The following TTC27 variants were observed in gnomAD, a reference collection of about 807,000 sequenced individuals.
TTC27 encodes tetratricopeptide repeat protein 27.
TTC27 carries 79 observed loss-of-function variants against 115.9 expected under a neutral mutation model. The observed-to-expected ratio is 0.68, with a 90% CI of 0.57 to 0.82. The LOEUF (loss-of-function observed/expected upper bound fraction) is 0.82, where lower values mean the gene tolerates loss of function less well. TTC27 is among the 40% of genes least tolerant of loss of function. The pLI is 0.00. For synonymous variants in TTC27, 401 were observed against 356.0 expected (o/e 1.13, Z -1.42); for missense variants, 1,054 against 993.1 (o/e 1.06, Z -0.82).
intron 16 of TTC27, among the ~76,000 whole-genome samples, chr2:32,788,968 TA>T (rs1427834177): frequency 7.9e-5 from 12 of 152,198 alleles, no homozygotes; most frequent in Non-Finnish European, 1.3e-4. Context: ...GAAACTATCC[TA>T]AGCACTTCAC....
intron 16 of TTC27, among the ~76,000 whole-genome samples, chr2:32,801,988 T>G (rs1333034985): frequency 6.6e-6 from 1 of 152,190 alleles, no homozygotes; most frequent in African/African-American, 2.4e-5. Flanking sequence ...AAGTTTCTGT[T>G]ATTAGTCTTC....
At chr2:32,814,753 T>C in intron 18 of TTC27, among the ~76,000 whole-genome samples, 1 of 152,158 alleles carries the variant, frequency 6.6e-6, no homozygotes, top group Middle Eastern at 3.2e-3. Flanking sequence ...CTGTACAGGG[T>C]TGTAGCCTAG....
chr2:32,674,818 G>A (rs969263350), intron 8 of TTC27, among the ~76,000 whole-genome samples: 16 of 151,868 alleles, frequency 1.1e-4, no homozygotes, highest in African/African-American at 3.6e-4. Flanking sequence ...CACCACCACA[G>A]CTGGCTAATT....
intron 10 of TTC27, among the ~76,000 whole-genome samples, chr2:32,730,748 A>G (rs1228536860): frequency 6.6e-6 from 1 of 150,768 alleles, no homozygotes; most frequent in African/African-American, 2.4e-5. Flanking sequence ...CAGCCTCCCA[A>G]GTAGCTGGGA....
chr2:32,647,435 C>T (rs1356678787), intron 4 of TTC27, among the ~76,000 whole-genome samples: 1 of 152,146 alleles, frequency 6.6e-6, no homozygotes, highest in Non-Finnish European at 1.5e-5. Context: ...CGCAACACCT[C>T]AGGGAATTCA....
At chr2:32,723,472 TC>T (rs1381710356) in intron 10 of TTC27, among the ~76,000 whole-genome samples, 1 of 151,980 alleles carries the variant, frequency 6.6e-6, no homozygotes, top group Non-Finnish European at 1.5e-5. Context: ...TTTTTCTCTC[TC>T]CCCAGGTACA....
intron 3 of TTC27, among the ~76,000 whole-genome samples, chr2:32,635,031 C>T (rs562519992): frequency 3.3e-5 from 5 of 152,208 alleles, no homozygotes; most frequent in African/African-American, 9.6e-5. Context: ...CTTTAAATTA[C>T]AAATACTTTA....
chr2:32,782,340 G>T (rs1329324239), intron 14 of TTC27, among the ~76,000 whole-genome samples: 1 of 152,136 alleles, frequency 6.6e-6, no homozygotes, highest in African/African-American at 2.4e-5. Context: ...TATAGAGTAT[G>T]TTGTATTAGT....
At chr2:32,812,286 G>A (rs995132907) in intron 17 of TTC27, among the ~76,000 whole-genome samples, 3 of 152,160 alleles carry the variant, frequency 2.0e-5, no homozygotes, top group Non-Finnish European at 4.4e-5. Context: ...ACAGGGAAGT[G>A]TCTCAATCCA....
intron 10 of TTC27, among the ~76,000 whole-genome samples, chr2:32,717,482 C>G (rs968668188): frequency 7.9e-5 from 12 of 152,098 alleles, no homozygotes; most frequent in Admixed American, 7.9e-4. Flanking sequence ...TTCTTTTTTG[C>G]TCTTTGCTGT....
intron 10 of TTC27, among the ~76,000 whole-genome samples, chr2:32,732,919 A>C (rs1668341391): frequency 6.6e-6 from 1 of 152,224 alleles, no homozygotes; most frequent in Admixed American, 6.5e-5. Context: ...GATAATTCTC[A>C]GTTGAGAGTA....
intron 5 of TTC27, among the ~76,000 whole-genome samples, chr2:32,651,039 T>G (rs989748399): frequency 6.6e-6 from 1 of 152,124 alleles, no homozygotes; most frequent in Non-Finnish European, 1.5e-5. Flanking sequence ...AAACAGATTC[T>G]CTTGTGGTGA....
intron 16 of TTC27, among the ~76,000 whole-genome samples, chr2:32,809,379 T>G (rs1458063358): frequency 6.6e-6 from 1 of 152,200 alleles, no homozygotes; most frequent in Non-Finnish European, 1.5e-5. Context: ...TGCCATCCTC[T>G]CCCTGCAGTT....
intron 12 of TTC27, among the ~76,000 whole-genome samples, chr2:32,741,113 C>G (rs1035656117): frequency 1.4e-4 from 22 of 152,194 alleles, no homozygotes; most frequent in Non-Finnish European, 2.6e-4. Context: ...TTTGTAGCGC[C>G]GTCTCACTTC....
intron 17 of TTC27, 73 bp from the exon 18 acceptor site, chr2:32,812,431 G>T: frequency 9.0e-7 from 1 of 1,115,328 alleles, no homozygotes; most frequent in South Asian, 1.3e-5. Flanking sequence ...AGTTCCATAT[G>T]ACTTCCAGGA....
intron 9 of TTC27, among the ~76,000 whole-genome samples, chr2:32,683,835 A>C (rs1666529372): frequency 6.6e-6 from 1 of 152,106 alleles, no homozygotes; most frequent in Non-Finnish European, 1.5e-5. Flanking sequence ...TAGTTAATTC[A>C]TACAGGTTTT....
Position 32,630,689 on chromosome 2 carries a change from C to G in TTC27, c.255C>G (p.Asp85Glu). The change falls in exon 2 of 20, where the codon GAC becomes GAG. Residue 85 changes from aspartate (D) to glutamate (E), a missense_variant. Coordinates refer to ENST00000317907, the MANE Select transcript of TTC27 (RefSeq NM_017735.5). Reference sequence around the variant, plus strand: ...TCCTGGATTACTCAACAGATTTGGACACAACGGAAAGGTAGAATTTTATTT... The same window carrying G: ...TCCTGGATTACTCAACAGATTTGGAGACAACGGAAAGGTAGAATTTTATTT... ...VTFLDYSTDL[D>E]TTERQQLIFL... The G allele has an allele frequency of 6.2e-7, 1 of 1,607,304 alleles. No homozygotes were observed. Among genetic ancestry groups the G allele is most frequent in the Non-Finnish European group, 8.5e-7 (1 of 1,177,904 alleles).
At chr2:32,706,809 C>T (rs927907568) in intron 10 of TTC27, among the ~76,000 whole-genome samples, 2 of 152,166 alleles carry the variant, frequency 1.3e-5, no homozygotes, top group Non-Finnish European at 2.9e-5. Flanking sequence ...GGTGATCCAC[C>T]TGCCTCGACC....
intron 8 of TTC27, among the ~76,000 whole-genome samples, chr2:32,677,474 G>C (rs952732063): frequency 5.8e-4 from 88 of 151,742 alleles, no homozygotes; most frequent in African/African-American, 2.0e-3. Context: ...TTTTGAGATG[G>C]AGTCTTGCTC....
Sources: allele counts gnomAD v4.1 joint callset (sites outside exome capture counted in the v4.1 genomes callset), GRCh38; gene constraint gnomAD v4.1.1; transcripts MANE v1.5; gene names NCBI Gene and HGNC (gene_info 2026-07-23, HGNC 2026-07-21).